Variants in DMD observed in about 807,000 individuals in gnomAD.
DMD encodes mutant dystrophin.
DMD carries 63 observed loss-of-function variants against 330.1 expected under a neutral mutation model. The observed-to-expected ratio is 0.19, with a 90% CI of 0.16 to 0.24. DMD has a LOEUF of 0.24. DMD is among the 10% of genes least tolerant of loss of function. DMD has a pLI of 1.00. For synonymous variants in DMD, 1,223 were observed against 959.8 expected (o/e 1.27, Z -5.07); for missense variants, 3,344 against 2,684.1 (o/e 1.25, Z -5.43).
intron 63 of DMD, among the ~76,000 whole-genome samples, chrX:31,242,488 T>C (rs1056274984): frequency 3.6e-5 from 4 of 110,647 alleles, no homozygotes; most frequent in Non-Finnish European, 7.5e-5. Flanking sequence ...TTCTAATTAA[T>C]ACTGCTCTTC....
chrX:32,831,382 C>T (rs755057876), intron 4 of DMD, among the ~76,000 whole-genome samples: 2 of 110,366 alleles, frequency 1.8e-5, no homozygotes, highest in South Asian at 7.5e-4. Flanking sequence ...GAAAGTAAAC[C>T]TGAAATATGA....
At chrX:33,214,504 G>A (rs964919569), upstream of DMD, among the ~76,000 whole-genome samples, 7 of 111,067 alleles carry the variant, frequency 6.3e-5, no homozygotes, top group African/African-American at 6.6e-5. Context: ...CATCATACTC[G>A]GCTTTTTTAC....
intron 29 of DMD, among the ~76,000 whole-genome samples, chrX:32,412,580 T>A (rs778039573): frequency 8.9e-6 from 1 of 112,030 alleles, no homozygotes; most frequent in Admixed American, 9.5e-5. Context: ...TGATTGTAAC[T>A]ATAAGTATGA....
chrX:32,252,775 T>TATATAAATATATATATAA (rs2097275729), intron 43 of DMD, among the ~76,000 whole-genome samples: 1 of 38,078 alleles, frequency 2.6e-5, no homozygotes, highest in African/African-American at 1.4e-4. Context: ...TATATATAAA[T>TATATAAATATATATATAA]ATATATAAAT....
chrX:32,220,805 A>G (rs1164214262), intron 43 of DMD, among the ~76,000 whole-genome samples: 1 of 111,146 alleles, frequency 9.0e-6, no homozygotes, highest in Non-Finnish European at 1.9e-5. Flanking sequence ...CAAAAATAGC[A>G]TTCAGGGAAA....
At chrX:32,172,438 A>G (rs1355127752) in intron 44 of DMD, among the ~76,000 whole-genome samples, 1 of 112,163 alleles carries the variant, frequency 8.9e-6, no homozygotes, top group Non-Finnish European at 1.9e-5. Flanking sequence ...TCTTTTTAAA[A>G]ACATCAGTTT....
At chrX:32,675,388 T>C (rs943976729) in intron 9 of DMD, among the ~76,000 whole-genome samples, 2 of 111,768 alleles carry the variant, frequency 1.8e-5, no homozygotes, top group African/African-American at 6.5e-5. Context: ...CATCTGTTGA[T>C]AGATTTCACA....
rs766869811 is a variant in DMD, at chrX:32,468,721, A to AT, written c.2950-12dup. On this transcript the variant is annotated splice_polypyrimidine_tract_variant and intron_variant, in intron 22 of 78. Transcript: ENST00000357033. ...AGAACTTTGTAAAGCCTAAAAAACA[A>AT]TTTTTTAAATACATTTACCCTAATT... 7 of 1,173,936 alleles carry AT rather than the reference A, an allele frequency of 6.0e-6. No individual in the cohort carries two copies. Among genetic ancestry groups the AT allele is most frequent in the Non-Finnish European group, 8.1e-6 (7 of 862,772 alleles).
intron 4 of DMD, among the ~76,000 whole-genome samples, chrX:32,840,357 C>A (rs1417551728): frequency 1.8e-5 from 2 of 111,932 alleles, no homozygotes; most frequent in African/African-American, 6.5e-5. Flanking sequence ...TTAATAATTT[C>A]ATTAGAAAAC....
At chrX:32,710,596 A>C (rs375432454) in intron 7 of DMD, among the ~76,000 whole-genome samples, 1 of 111,561 alleles carries the variant, frequency 9.0e-6, no homozygotes, top group South Asian at 3.7e-4. Context: ...TCATTGTTCT[A>C]AACTTTGGCA....
chrX:33,282,263 G>A (rs75039775), intron 1 of DMD, among the ~76,000 whole-genome samples: 13,230 of 111,460 alleles, frequency 0.12, 922 homozygotes, highest in East Asian at 0.37. Context: ...GAGAGCCTCA[G>A]TTCTGCAGGT....
At chrX:31,728,303 G>C (rs1386881810) in intron 52 of DMD, among the ~76,000 whole-genome samples, 1 of 112,382 alleles carries the variant, frequency 8.9e-6, no homozygotes, top group Admixed American at 9.4e-5. Context: ...GGGATTACAG[G>C]CGTGAGCCAC....
At chrX:33,016,830 C>A (rs1209061632) in intron 2 of DMD, among the ~76,000 whole-genome samples, 1 of 111,655 alleles carries the variant, frequency 9.0e-6, no homozygotes, top group Admixed American at 9.6e-5. Context: ...TATTTTTGGT[C>A]ATGTTTTCAA....
chrX:32,840,221 C>A (rs2080040931), intron 4 of DMD, among the ~76,000 whole-genome samples: 1 of 111,637 alleles, frequency 9.0e-6, no homozygotes, highest in East Asian at 2.8e-4. Flanking sequence ...CAAATTTAAG[C>A]CATTATTTTG....
intron 53 of DMD, among the ~76,000 whole-genome samples, chrX:31,660,976 A>T (rs2081088547): frequency 8.9e-6 from 1 of 111,922 alleles, no homozygotes; most frequent in African/African-American, 3.2e-5. Flanking sequence ...AATAGATCAT[A>T]AAAATGCCTA....
intron 1 of DMD, among the ~76,000 whole-genome samples, chrX:33,209,938 G>A (rs2051798428): frequency 9.2e-6 from 1 of 109,210 alleles, no homozygotes; most frequent in East Asian, 2.9e-4. Flanking sequence ...AAAATCACTA[G>A]TGATTTTGAT....
chrX:32,674,234 T>C (rs1014065523), intron 9 of DMD, among the ~76,000 whole-genome samples: 1 of 111,730 alleles, frequency 9.0e-6, no homozygotes, highest in Non-Finnish European at 1.9e-5. Flanking sequence ...TACTTAGCAG[T>C]ACTGGACATC....
At chrX:31,755,776 C>A (rs1284195096) in intron 51 of DMD, among the ~76,000 whole-genome samples, 2 of 111,535 alleles carry the variant, frequency 1.8e-5, no homozygotes, top group African/African-American at 6.5e-5. Context: ...GGTTTTATAA[C>A]TAGGTCGTTA....
intron 62 of DMD, among the ~76,000 whole-genome samples, chrX:31,280,285 T>C (rs2052513271): frequency 8.9e-6 from 1 of 112,409 alleles, no homozygotes; most frequent in East Asian, 2.8e-4. Context: ...AGCAGTCTTA[T>C]TCATAATATC....
Sources: allele counts gnomAD v4.1 joint callset (sites outside exome capture counted in the v4.1 genomes callset), GRCh38; gene constraint gnomAD v4.1.1; transcripts MANE v1.5; gene names NCBI Gene and HGNC (gene_info 2026-07-23, HGNC 2026-07-21).